SLC9B1: variants seen among roughly 807,000 people sequenced by gnomAD.
The protein encoded by SLC9B1 is solute carrier family 9 member B1, also known as sodium/hydrogen exchanger 9B1.
Under a neutral mutation model 51.7 loss-of-function variants are expected in SLC9B1, and 32 were observed. The observed-to-expected ratio is 0.62, with a 90% CI of 0.47 to 0.83. The LOEUF is 0.83. Among genes scored for constraint, SLC9B1 ranks in the 40% least tolerant of loss-of-function variants. The pLI, the probability that SLC9B1 is intolerant of heterozygous loss-of-function variation, is 0.00. For synonymous variants in SLC9B1, 145 were observed against 212.7 expected (o/e 0.68, Z 2.77); for missense variants, 406 against 613.2 (o/e 0.66, Z 3.57).
At chr4:102,949,942 CAG>C (rs1352745886) in intron 3 of SLC9B1, among the ~76,000 whole-genome samples, 13 of 151,842 alleles carry the variant, frequency 8.6e-5, no homozygotes, top group Admixed American at 5.9e-4. Flanking sequence ...GCCTGTGTGA[CAG>C]AGTGAGACTC....
In SLC9B1 at chr4:102,980,824, T is replaced by C. The variant is rs550995747; in HGVS notation, c.211+8976A>G. 4.6e-5 allele frequency among the ~76,000 whole-genome samples: 7 copies of C among 152,304 alleles called. No homozygotes were observed. The East Asian group carries it at 5.8e-4, about 13-fold the overall frequency. On this transcript the variant is annotated intron_variant, in intron 3 of 11. Transcript: ENST00000296422. ...CACCAGAGTGGTCCATTTGTTAGAA[T>C]TGATAAACCTATATTAACACATCAT...
intron 7 of SLC9B1, among the ~76,000 whole-genome samples, chr4:102,929,874 C>A (rs965665891): frequency 6.6e-5 from 10 of 152,164 alleles, no homozygotes; most frequent in African/African-American, 2.4e-4. Flanking sequence ...GAAAGAATGA[C>A]AGATACCAAT....
chr4:102,948,353 C>CAT (rs1226090034), intron 4 of SLC9B1, among the ~76,000 whole-genome samples: 8 of 150,910 alleles, frequency 5.3e-5, no homozygotes, highest in African/African-American at 1.7e-4. Flanking sequence ...CACACACACA[C>CAT]ACACACACAC....
chr4:102,996,812 G>A (rs1740248773), intron 1 of SLC9B1, among the ~76,000 whole-genome samples: 1 of 151,428 alleles, frequency 6.6e-6, no homozygotes, highest in Non-Finnish European at 1.5e-5. Flanking sequence ...TCTGAGATAG[G>A]GTCTTCCTCT....
intron 6 of SLC9B1, among the ~76,000 whole-genome samples, chr4:102,941,795 A>C (rs1429365937): frequency 2.6e-5 from 4 of 151,942 alleles, no homozygotes; most frequent in East Asian, 1.9e-4. Flanking sequence ...ATAGTACTGG[A>C]AGTCCTAGCC....
intron 1 of SLC9B1, among the ~76,000 whole-genome samples, chr4:102,996,378 T>C (rs1178782741): frequency 6.6e-6 from 1 of 152,220 alleles, no homozygotes; most frequent in African/African-American, 2.4e-5. Flanking sequence ...TAAAAGATAC[T>C]TTAATTTGGC....
At chr4:102,959,572 A>G (rs1267700587) in intron 3 of SLC9B1, among the ~76,000 whole-genome samples, 1 of 152,186 alleles carries the variant, frequency 6.6e-6, no homozygotes, top group African/African-American at 2.4e-5. Context: ...TATCTTCTCT[A>G]ATTACATCAT....
chr4:102,897,656 A>G (rs1428874940), downstream of SLC9B1: 5 of 347,048 alleles, frequency 1.4e-5, no homozygotes, highest in Admixed American at 1.8e-4. Flanking sequence ...ATCCTCCCTA[A>G]ATTGCTCAGG....
At chr4:102,986,334 T>C (rs1440415914) in intron 3 of SLC9B1, among the ~76,000 whole-genome samples, 1 of 151,990 alleles carries the variant, frequency 6.6e-6, no homozygotes, top group East Asian at 1.9e-4. Flanking sequence ...TGATGAGAAG[T>C]TGGATGTAAT....
At chr4:102,981,280 A>G (rs1739343309) in intron 3 of SLC9B1, among the ~76,000 whole-genome samples, 1 of 152,118 alleles carries the variant, frequency 6.6e-6, no homozygotes, top group Non-Finnish European at 1.5e-5. Flanking sequence ...CTGAATTTTG[A>G]TAATTATCAA....
At chr4:102,912,078 A>G in intron 7 of SLC9B1, 1 of 202,642 alleles carries the variant, frequency 4.9e-6, no homozygotes, top group Non-Finnish European at 1.1e-5. Flanking sequence ...GTTTGCAGTG[A>G]GCTGAGATCG....
At chr4:102,932,500 G>A (rs112817289) in intron 6 of SLC9B1, among the ~76,000 whole-genome samples, 5 of 152,316 alleles carry the variant, frequency 3.3e-5, no homozygotes, top group South Asian at 2.1e-4. Flanking sequence ...GGTTTAAAAT[G>A]TTGGGCTGAA....
At chr4:102,979,506 A>C (rs79706871) in intron 3 of SLC9B1, among the ~76,000 whole-genome samples, 1,749 of 152,236 alleles carry the variant, frequency 0.011, 39 homozygotes, top group African/African-American at 0.04. Context: ...TTAACTGCGT[A>C]CTCAAAGTCT....
At chr4:102,996,214 T>C (rs1272496809) in intron 1 of SLC9B1, among the ~76,000 whole-genome samples, 1 of 152,188 alleles carries the variant, frequency 6.6e-6, no homozygotes. Context: ...TCAAATCTCT[T>C]GTCCATTTTT....
rs574060126 is a variant in SLC9B1 at position 102,937,492 on chromosome 4, T to C, written c.654-5193A>G. ...CTGTAATCCCAGCACTTTGGGAGGC[T>C]GAGGGGGGTGGATCACAAGGTCAAG... is the stretch of plus-strand genomic sequence containing the variant. On this transcript the variant is annotated intron_variant, in intron 6 of 11. Transcript: ENST00000296422. 1.9e-3 allele frequency among the ~76,000 whole-genome samples: 281 copies of C among 144,496 alleles called. 1 individual carries two copies. Among genetic ancestry groups the C allele is most frequent in the African/African-American group, 7.0e-3 (273 of 39,152 alleles). 94.8% of individuals were successfully genotyped at this position (144,496 alleles called of 152,430 possible).
intron 7 of SLC9B1, among the ~76,000 whole-genome samples, chr4:102,915,086 T>C (rs1011503369): frequency 1.5e-5 from 2 of 136,080 alleles, no homozygotes; most frequent in Non-Finnish European, 3.1e-5. Context: ...TGGGATGATA[T>C]ATTAAAAGGG....
chr4:102,888,986 A>ATCCT (rs1734086684), intron 11 of SLC9B1: 1 of 152,216 alleles, frequency 6.6e-6, no homozygotes, highest in South Asian at 2.1e-4. Context: ...GACAGAGGTA[A>ATCCT]TCCTTCTAGA....
At chr4:102,937,753 A>G (rs1212619559) in intron 6 of SLC9B1, among the ~76,000 whole-genome samples, 1 of 151,068 alleles carries the variant, frequency 6.6e-6, no homozygotes, top group Non-Finnish European at 1.5e-5. Context: ...AAATTCAACC[A>G]AGAACTTAAT....
intron 3 of SLC9B1, among the ~76,000 whole-genome samples, chr4:102,963,545 T>G (rs1738254661): frequency 6.6e-6 from 1 of 152,236 alleles, no homozygotes; most frequent in Non-Finnish European, 1.5e-5. Flanking sequence ...CTTCTCTCAC[T>G]CCCTTTCTTC....
Sources: gnomAD v4.1 joint callset for allele counts (sites outside exome capture counted in the v4.1 genomes callset) on GRCh38, gnomAD v4.1.1 for gene constraint, MANE v1.5 for transcripts, NCBI Gene and HGNC (gene_info 2026-07-23, HGNC 2026-07-21) for gene names.